The following FBXW8 variants were observed in gnomAD, a reference collection of about 807,000 sequenced individuals.
The protein encoded by FBXW8 is F-box and WD repeat domain containing 8, also known as F-box/WD repeat-containing protein 8.
Under a neutral mutation model 65.3 loss-of-function variants are expected in FBXW8, and 57 were observed. That is an observed-to-expected ratio of 0.87 (90% CI 0.71 to 1.09). The LOEUF is 1.09. FBXW8 is among the 50% of genes least tolerant of loss of function. The probability of loss-of-function intolerance (pLI) is 0.00; values close to 1 mark genes in which losing one functional copy is unlikely to be tolerated. For missense variants in FBXW8, 777 were observed against 814.8 expected, an observed-to-expected ratio of 0.95 and a Z score of 0.57; for synonymous variants, 308 against 330.2, an observed-to-expected ratio of 0.93 and a Z score of 0.73.
At chr12:117,009,922 C>G (rs1180073234) in intron 7 of FBXW8, among the ~76,000 whole-genome samples, 2 of 152,224 alleles carry the variant, frequency 1.3e-5, no homozygotes, top group African/African-American at 4.8e-5. Flanking sequence ...GATGAGAACT[C>G]ATGCTGGCTC....
chr12:116,965,911 A>G (rs890263937), intron 5 of FBXW8, among the ~76,000 whole-genome samples: 1 of 144,714 alleles, frequency 6.9e-6, no homozygotes, highest in African/African-American at 2.5e-5. Flanking sequence ...GGCGCATGCC[A>G]CCATGCCCAG....
At chr12:117,013,674 A>G (rs1044289750) in intron 8 of FBXW8, among the ~76,000 whole-genome samples, 3 of 152,210 alleles carry the variant, frequency 2.0e-5, no homozygotes, top group Admixed American at 6.5e-5. Context: ...GCATCATAAA[A>G]TGGCAGCATT....
At chr12:116,987,056 G>C (rs1222725855) in intron 6 of FBXW8, 4 of 152,234 alleles carry the variant, frequency 2.6e-5, no homozygotes, top group Non-Finnish European at 4.4e-5. Context: ...CTGGCCCGAA[G>C]AGCCAAGCCA....
intron 7 of FBXW8, among the ~76,000 whole-genome samples, chr12:116,996,488 T>G (rs904598425): frequency 2.1e-5 from 3 of 145,440 alleles, no homozygotes; most frequent in African/African-American, 7.4e-5. Flanking sequence ...TCTTTCCTTT[T>G]GTTCCATATT....
At chr12:116,973,981 T>C (rs1884778725) in intron 5 of FBXW8, among the ~76,000 whole-genome samples, 1 of 152,300 alleles carries the variant, frequency 6.6e-6, no homozygotes, top group Non-Finnish European at 1.5e-5. Context: ...TTTCTAGACA[T>C]TGGAAAATAA....
intron 10 of FBXW8, 133 bp downstream of exon 10, chr12:117,027,637 G>C (rs1954266123): frequency 5.4e-6 from 4 of 746,254 alleles, no homozygotes; most frequent in Admixed American, 2.1e-5. Context: ...CTGCGAATTG[G>C]AAACATAAAC....
intron 7 of FBXW8, among the ~76,000 whole-genome samples, chr12:117,004,517 G>C (rs1001812354): frequency 6.6e-6 from 1 of 152,160 alleles, no homozygotes; most frequent in African/African-American, 2.4e-5. Flanking sequence ...TTACCAACCC[G>C]AAAATACTTT....
intron 7 of FBXW8, among the ~76,000 whole-genome samples, chr12:117,009,707 C>T (rs1248479712): frequency 6.6e-6 from 1 of 152,166 alleles, no homozygotes; most frequent in African/African-American, 2.4e-5. Flanking sequence ...GTCTGGAAAT[C>T]AGGGGTACCT....
At chr12:116,959,098 C>A (rs1164942617) in intron 4 of FBXW8, among the ~76,000 whole-genome samples, 4 of 152,120 alleles carry the variant, frequency 2.6e-5, no homozygotes, top group African/African-American at 9.7e-5. Context: ...TCCATATGTT[C>A]TCCTGCATCC....
intron 4 of FBXW8, among the ~76,000 whole-genome samples, chr12:116,962,039 G>A (rs746996217): frequency 1.5e-4 from 23 of 152,112 alleles, no homozygotes; most frequent in Non-Finnish European, 2.5e-4. Flanking sequence ...GGGCCACAGC[G>A]GTGTTGAAGG....
At chr12:116,974,869 A>C (rs1333352391) in intron 5 of FBXW8, among the ~76,000 whole-genome samples, 1 of 152,258 alleles carries the variant, frequency 6.6e-6, no homozygotes, top group African/African-American at 2.4e-5. Context: ...TGAATCTGGA[A>C]CATTTTATGG....
intron 3 of FBXW8, among the ~76,000 whole-genome samples, chr12:116,946,403 C>T (rs1340532740): frequency 2.6e-5 from 4 of 152,180 alleles, no homozygotes; most frequent in Non-Finnish European, 5.9e-5. Flanking sequence ...TTCAGGGGTT[C>T]TCAACCCCAG....
intron 2 of FBXW8, among the ~76,000 whole-genome samples, chr12:116,928,491 G>T (rs184210867): frequency 6.6e-6 from 1 of 152,302 alleles, no homozygotes; most frequent in Non-Finnish European, 1.5e-5. Flanking sequence ...AATCGAGCCT[G>T]TTATTAGGTT....
In FBXW8 at chr12:116,911,372, T is replaced by TCCCCCCCCCCCC; in HGVS notation, c.318+24_318+25insCCCCCCCCCCCC. 1 of 1,237,222 alleles carries TCCCCCCCCCCCC rather than the reference T, an allele frequency of 8.1e-7. No homozygotes were observed. Among genetic ancestry groups the TCCCCCCCCCCCC allele is most frequent in the Non-Finnish European group, 1.0e-6 (1 of 988,492 alleles). 76.6% of individuals were successfully genotyped at this position (1,237,222 alleles called of 1,614,324 possible). On this transcript the variant is annotated intron_variant, in intron 1 of 10. Transcript: ENST00000652555. ...CGCGACCTGGTGAGTGGCCGTCGCC[T>TCCCCCCCCCCCC]CCCCCCCGCCCATGCCTGCGCCGGC... is the stretch of plus-strand genomic sequence containing the variant.
intron 4 of FBXW8, among the ~76,000 whole-genome samples, chr12:116,955,161 T>G (rs954217737): frequency 7.2e-5 from 11 of 152,056 alleles, no homozygotes; most frequent in Non-Finnish European, 1.3e-4. Context: ...TTCCACACTC[T>G]CTGGACTTCC....
chr12:116,983,004 C>T (rs1021300954), intron 5 of FBXW8, among the ~76,000 whole-genome samples: 1 of 152,102 alleles, frequency 6.6e-6, no homozygotes, highest in Non-Finnish European at 1.5e-5. Context: ...GTTGTTTAAC[C>T]GCTCGGTGCT....
At chr12:117,023,970 G>A (rs116310944) in intron 8 of FBXW8, among the ~76,000 whole-genome samples, 177 bp from the exon 9 acceptor site, 116 of 152,350 alleles carry the variant, frequency 7.6e-4, no homozygotes, top group African/African-American at 2.5e-3. Context: ...AGATGAGACC[G>A]TGTGGGTCCT....
intron 2 of FBXW8, among the ~76,000 whole-genome samples, chr12:116,939,482 T>A: frequency 6.6e-6 from 1 of 152,222 alleles, no homozygotes; most frequent in East Asian, 1.9e-4. Context: ...GTGGAATCCT[T>A]TTCTAAGGAA....
At chr12:116,976,450 C>CTTTTTTTTTTTTTTTTT (rs35364851) in intron 5 of FBXW8, among the ~76,000 whole-genome samples, 1 of 64,608 alleles carries the variant, frequency 1.5e-5, no homozygotes, top group African/African-American at 5.6e-5. Flanking sequence ...CCAAAGGATC[C>CTTTTTTTTTTTTTTTTT]TTTTTTTTTT....
Sources: gnomAD v4.1 joint callset for allele counts (sites outside exome capture counted in the v4.1 genomes callset) on GRCh38, gnomAD v4.1.1 for gene constraint, MANE v1.5 for transcripts, NCBI Gene and HGNC (gene_info 2026-07-23, HGNC 2026-07-21) for gene names.